The following ARHGAP24 variants were observed in gnomAD, a reference collection of about 807,000 sequenced individuals.
The protein encoded by ARHGAP24 is Rho GTPase activating protein 24, also known as rho GTPase-activating protein 24.
In ARHGAP24, 50 loss-of-function variants were observed where a neutral mutation model predicts 76.4. That is an observed-to-expected ratio of 0.65 (90% CI 0.52 to 0.83). The LOEUF is 0.83. ARHGAP24 is among the 40% of genes least tolerant of loss of function. ARHGAP24 has a pLI of 0.00. For synonymous variants in ARHGAP24, 345 were observed against 323.3 expected (o/e 1.07, Z -0.72); for missense variants, 930 against 914.2 (o/e 1.02, Z -0.22).
At chr4:85,889,997 T>C (rs1471373667) in intron 3 of ARHGAP24, among the ~76,000 whole-genome samples, 12 of 152,138 alleles carry the variant, frequency 7.9e-5, no homozygotes, top group Admixed American at 6.6e-5. Context: ...GGAGTTACAA[T>C]TTTCATTTTT....
At chr4:85,794,058 A>C (rs1350642033) in intron 3 of ARHGAP24, among the ~76,000 whole-genome samples, 2 of 152,226 alleles carry the variant, frequency 1.3e-5, no homozygotes, top group African/African-American at 2.4e-5. Context: ...TTAATCAAAC[A>C]ATCCAAATAT....
chr4:85,725,711 G>T (rs1725143163), intron 3 of ARHGAP24, among the ~76,000 whole-genome samples: 1 of 152,218 alleles, frequency 6.6e-6, no homozygotes, highest in Admixed American at 6.5e-5. Flanking sequence ...CCAGCATTGG[G>T]ATAGTCCTGT....
intron 5 of ARHGAP24, among the ~76,000 whole-genome samples, chr4:85,944,586 G>C (rs1177209330): frequency 6.6e-6 from 1 of 152,070 alleles, no homozygotes; most frequent in Non-Finnish European, 1.5e-5. Flanking sequence ...GATCCCATTT[G>C]TCAAATTTGG....
intron 3 of ARHGAP24, among the ~76,000 whole-genome samples, chr4:85,866,274 C>T (rs1256523136): frequency 1.1e-4 from 17 of 152,084 alleles, no homozygotes; most frequent in Admixed American, 2.0e-4. Flanking sequence ...TCTTCAGAAA[C>T]CTAGAATAAC....
At chr4:85,750,485 C>CTTTTTTTTTTTTTTTTT (rs60635375) in intron 3 of ARHGAP24, among the ~76,000 whole-genome samples, 1 of 61,616 alleles carries the variant, frequency 1.6e-5, no homozygotes, top group African/African-American at 6.9e-5. Context: ...CTTTTCATTC[C>CTTTTTTTTTTTTTTTTT]TTTTTTTTTT....
chr4:85,565,383 A>G (rs907766137), intron 1 of ARHGAP24, among the ~76,000 whole-genome samples: 12 of 152,132 alleles, frequency 7.9e-5, no homozygotes, highest in Admixed American at 3.9e-4. Context: ...GTATTTTACC[A>G]ACATTGCCAG....
rs200129162 is a variant in ARHGAP24 at position 85,823,844 on chromosome 4, TCCCTTCCCTC to T, written c.269-99799_269-99790del. On this transcript the variant is annotated intron_variant, in intron 3 of 9. Coordinates refer to ENST00000395184, the MANE Select transcript of ARHGAP24 (RefSeq NM_001025616.3). ...CTTTCTCCCTTCTTCCCTAGCTCCC[TCCCTTCCCTC>T]CCCTCCCCTCCCCTCCCCTTTCTTC... Among the ~76,000 whole-genome samples, 110 of 149,642 alleles carry T rather than the reference TCCCTTCCCTC, an allele frequency of 7.4e-4. 2 individuals carry two copies. In the East Asian group the frequency reaches 0.019, roughly 26 times the overall value.
intron 5 of ARHGAP24, among the ~76,000 whole-genome samples, chr4:85,944,248 T>G (rs1280203401): frequency 1.3e-5 from 2 of 152,228 alleles, no homozygotes; most frequent in Non-Finnish European, 2.9e-5. Context: ...GTTGGCCACA[T>G]AAATGTCTTC....
At chr4:85,490,518 T>A in intron 1 of ARHGAP24, among the ~76,000 whole-genome samples, 1 of 152,208 alleles carries the variant, frequency 6.6e-6, no homozygotes, top group East Asian at 1.9e-4. Context: ...CTCTTTAGAA[T>A]TCATTCACAC....
At chr4:85,945,633 AC>A (rs1373639762) in intron 5 of ARHGAP24, among the ~76,000 whole-genome samples, 1 of 151,550 alleles carries the variant, frequency 6.6e-6, no homozygotes, top group African/African-American at 2.4e-5. Context: ...GGTGGCAAGC[AC>A]CTGTAATCCC....
At chr4:85,908,803 A>C (rs1022027409) in intron 3 of ARHGAP24, among the ~76,000 whole-genome samples, 2 of 152,144 alleles carry the variant, frequency 1.3e-5, no homozygotes, top group African/African-American at 2.4e-5. Context: ...AGGGAAGTAC[A>C]TACAGATAGT....
intron 3 of ARHGAP24, among the ~76,000 whole-genome samples, chr4:85,916,259 G>A (rs1403218130): frequency 3.9e-5 from 6 of 151,998 alleles, no homozygotes; most frequent in Non-Finnish European, 7.4e-5. Context: ...TTTTTGGTGG[G>A]GTTGTTTTTT....
At chr4:85,716,488 A>G (rs1398645862) in intron 2 of ARHGAP24, among the ~76,000 whole-genome samples, 1 of 152,104 alleles carries the variant, frequency 6.6e-6, no homozygotes, top group Non-Finnish European at 1.5e-5. Context: ...AATTATTGCC[A>G]TATGTGCTGA....
chr4:85,611,511 T>C (rs1213074172), intron 2 of ARHGAP24, among the ~76,000 whole-genome samples: 1 of 152,250 alleles, frequency 6.6e-6, no homozygotes, highest in Non-Finnish European at 1.5e-5. Flanking sequence ...AAATTGTGTT[T>C]AGCACTTTCT....
At chr4:85,798,925 A>G (rs1728470992) in intron 3 of ARHGAP24, among the ~76,000 whole-genome samples, 1 of 152,188 alleles carries the variant, frequency 6.6e-6, no homozygotes, top group Admixed American at 6.5e-5. Flanking sequence ...AGATATTTTA[A>G]TAATATTAGG....
At chr4:85,876,944 A>T (rs565797358) in intron 3 of ARHGAP24, among the ~76,000 whole-genome samples, 1 of 1,486 alleles carries the variant, frequency 6.7e-4, no homozygotes, top group Non-Finnish European at 2.3e-3. Flanking sequence ...CATTTTATTT[A>T]TAAAAAAAAC....
chr4:85,966,740 T>C (rs182087343), intron 5 of ARHGAP24, among the ~76,000 whole-genome samples: 11 of 152,276 alleles, frequency 7.2e-5, no homozygotes, highest in Middle Eastern at 3.4e-3. Context: ...ATGTACGTTC[T>C]CCCTGGAGGC....
At chr4:85,789,561 A>G (rs1243576898) in intron 3 of ARHGAP24, among the ~76,000 whole-genome samples, 2 of 152,186 alleles carry the variant, frequency 1.3e-5, no homozygotes, top group South Asian at 4.1e-4. Context: ...ACAGAGTATG[A>G]AGAAAAACTG....
intron 8 of ARHGAP24, among the ~76,000 whole-genome samples, chr4:85,986,807 C>T (rs921631703): frequency 6.6e-6 from 1 of 152,090 alleles, no homozygotes; most frequent in Non-Finnish European, 1.5e-5. Flanking sequence ...GTCTTTCCCA[C>T]AAAAAGAGTG....
Sources: gnomAD v4.1 joint callset for allele counts (sites outside exome capture counted in the v4.1 genomes callset) on GRCh38, gnomAD v4.1.1 for gene constraint, MANE v1.5 for transcripts, NCBI Gene and HGNC (gene_info 2026-07-23, HGNC 2026-07-21) for gene names.